Variants in PRDM1 observed in about 807,000 individuals in gnomAD.
The protein encoded by PRDM1 is PR/SET domain 1.
Under a neutral mutation model 62.8 loss-of-function variants are expected in PRDM1, and 13 were observed. The ratio of observed to expected loss-of-function variants is 0.21; its 90% CI spans 0.13 to 0.33. The LOEUF (loss-of-function observed/expected upper bound fraction) is 0.33, where lower values mean the gene tolerates loss of function less well. PRDM1 is among the 10% of genes least tolerant of loss of function. The pLI, the probability that PRDM1 is intolerant of heterozygous loss-of-function variation, is 1.00. For synonymous variants in PRDM1, 396 were observed against 417.6 expected, an observed-to-expected ratio of 0.95 and a Z score of 0.63; for missense variants, 895 against 1,058.8, an observed-to-expected ratio of 0.85 and a Z score of 2.15.
chr6:106,090,897 T>C (rs1487942634), intron 2 of PRDM1, among the ~76,000 whole-genome samples: 3 of 151,746 alleles, frequency 2.0e-5, no homozygotes, highest in Non-Finnish European at 4.4e-5. Flanking sequence ...TTTTTTTTGG[T>C]TAAAACAAAA....
At chr6:106,034,289 T>G (rs1445412698) in intron 1 of PRDM1, among the ~76,000 whole-genome samples, 1 of 152,094 alleles carries the variant, frequency 6.6e-6, no homozygotes, top group East Asian at 1.9e-4. Flanking sequence ...TTCCTTCATC[T>G]TCTGGCTTTG....
chr6:106,071,577 TA>T (rs1457461659), intron 1 of PRDM1, among the ~76,000 whole-genome samples: 4 of 152,180 alleles, frequency 2.6e-5, no homozygotes, highest in Non-Finnish European at 5.9e-5. Flanking sequence ...TATTCACTCA[TA>T]ACTGGAATTA....
rs529302572 is a variant in PRDM1 at position 106,026,759 on chromosome 6, T to C, written c.-67+33120T>C. On this transcript the variant is annotated intron_variant, in intron 1 of 6. Transcript: ENST00000652320. ...AGTTACTTGTGCATACAAAGATGTG[T>C]GTTTGTAGAAAGGAGACCATAGAAT... 1.0e-3 allele frequency among the ~76,000 whole-genome samples: 155 copies of C among 152,282 alleles called. 1 individual carries two copies. Among genetic ancestry groups the C allele is most frequent in the African/African-American group, 3.7e-3 (154 of 41,552 alleles).
intron 1 of PRDM1, among the ~76,000 whole-genome samples, chr6:106,027,615 G>A (rs1772783601): frequency 6.6e-6 from 1 of 151,956 alleles, no homozygotes; most frequent in Non-Finnish European, 1.5e-5. Context: ...GGAAAAATAG[G>A]TGGTGGGGGA....
At chr6:106,012,538 A>T (rs1772571373) in intron 1 of PRDM1, among the ~76,000 whole-genome samples, 1 of 151,284 alleles carries the variant, frequency 6.6e-6, no homozygotes. Flanking sequence ...ACACTGGCAT[A>T]CCAGCCCCAC....
At chr6:105,995,634 A>C (rs531420242) in intron 1 of PRDM1, among the ~76,000 whole-genome samples, 1 of 152,342 alleles carries the variant, frequency 6.6e-6, no homozygotes, top group African/African-American at 2.4e-5. Context: ...TTATGCTCCC[A>C]CTGAAAGCCT....
upstream of PRDM1, among the ~76,000 whole-genome samples, chr6:106,048,075 T>TC (rs1458262008): frequency 1.3e-5 from 2 of 152,160 alleles, no homozygotes; most frequent in South Asian, 2.1e-4. Flanking sequence ...AAGTTCCTTT[T>TC]CCTTTTCTAG....
intron 1 of PRDM1, among the ~76,000 whole-genome samples, chr6:106,039,889 C>T (rs1035589772): frequency 2.0e-5 from 3 of 152,188 alleles, no homozygotes; most frequent in African/African-American, 2.4e-5. Flanking sequence ...GCCTATTTCC[C>T]GAATGGCAAT....
At chr6:106,087,028 T>C (rs1183665473) in intron 1 of PRDM1, among the ~76,000 whole-genome samples, 1 of 152,176 alleles carries the variant, frequency 6.6e-6, no homozygotes, top group Non-Finnish European at 1.5e-5. Flanking sequence ...AGTGGAAGAA[T>C]GTAAAAACCT....
chr6:106,004,305 G>GA (rs1220478914), intron 1 of PRDM1, among the ~76,000 whole-genome samples: 1 of 151,282 alleles, frequency 6.6e-6, no homozygotes, highest in Admixed American at 6.6e-5. Flanking sequence ...ATTGAGGGTA[G>GA]AAAAAAAACA....
chr6:106,109,086 A>G lies in PRDM1; in HGVS notation c.*1600A>G, dbSNP rs1350152081. Reference sequence around the variant, plus strand: ...GCCATGTAAAAGATCTACTTTTTCTAAGGGCAAAAAAAAAAAAAAAAAAAA... The same window carrying G: ...GCCATGTAAAAGATCTACTTTTTCTGAGGGCAAAAAAAAAAAAAAAAAAAA... On this transcript the variant is annotated 3_prime_UTR_variant, in exon 7 of 7. Coordinates refer to ENST00000369096, the MANE Select transcript of PRDM1 (RefSeq NM_001198.4). 1.1e-5 allele frequency: 2 copies of G among 174,950 alleles called. No individual in the cohort carries two copies. The highest frequency in any genetic ancestry group is 1.8e-4 in the Admixed American group (2 of 11,274). 10.8% of individuals were successfully genotyped at this position (174,950 alleles called of 1,614,324 possible). A position where few individuals can be genotyped will look rare whatever the true frequency, so the allele number is the denominator to read the frequency against.
At chr6:106,091,738 A>C (rs1248462666) in intron 2 of PRDM1, among the ~76,000 whole-genome samples, 1 of 151,748 alleles carries the variant, frequency 6.6e-6, no homozygotes, top group Non-Finnish European at 1.5e-5. Context: ...GTGCCATTGC[A>C]CTCCAGCCCA....
At chr6:106,048,976 C>T (rs549357857) in intron 1 of PRDM1, among the ~76,000 whole-genome samples, 130 of 152,032 alleles carry the variant, frequency 8.6e-4, no homozygotes, top group Non-Finnish European at 1.5e-3. Context: ...CCACCACACT[C>T]AGCTAATTTT....
intron 1 of PRDM1, among the ~76,000 whole-genome samples, chr6:106,006,895 A>T (rs1323655650): frequency 6.6e-6 from 1 of 151,918 alleles, no homozygotes; most frequent in Non-Finnish European, 1.5e-5. Context: ...GGTCTCTTCA[A>T]ACTCTCTGCT....
chr6:106,099,410 T>G lies in PRDM1; in HGVS notation c.522T>G (p.Ala174=), dbSNP rs1261640712. 6.2e-7 allele frequency: 1 copy of G among 1,614,194 alleles called. No individual in the cohort carries two copies. The highest frequency in any genetic ancestry group is 1.7e-5 in the Admixed American group (1 of 60,024). ...ACTCTCCCCGGGAGCAAAACCTGGC[T>G]GCGTGTCAGAACGGGATGAACATCT... The part of the protein sequence containing the change: ...PAHSPREQNL[A]ACQNGMNIYF... Residue 174 remains alanine (A), a synonymous_variant, in exon 4 of 7, where the codon GCT becomes GCG. Coordinates refer to ENST00000369096, the MANE Select transcript of PRDM1 (RefSeq NM_001198.4).
chr6:106,084,867 C>A (rs1773761806), upstream of PRDM1, among the ~76,000 whole-genome samples: 1 of 152,108 alleles, frequency 6.6e-6, no homozygotes, highest in South Asian at 2.1e-4. Flanking sequence ...ACAGGTGGGC[C>A]ACGCAGCAAG....
At chr6:106,003,958 G>A (rs1772456115) in intron 1 of PRDM1, among the ~76,000 whole-genome samples, 1 of 152,158 alleles carries the variant, frequency 6.6e-6, no homozygotes, top group East Asian at 1.9e-4. Flanking sequence ...GATGGAGGAA[G>A]GGGTCACCTT....
chr6:106,053,291 A>G (rs1241720894), intron 1 of PRDM1, among the ~76,000 whole-genome samples: 1 of 152,184 alleles, frequency 6.6e-6, no homozygotes, highest in Non-Finnish European at 1.5e-5. Context: ...TGAATTTCTA[A>G]TCAAGTCGTT....
intron 3 of PRDM1, among the ~76,000 whole-genome samples, chr6:106,097,012 A>G (rs909832256): frequency 6.6e-6 from 1 of 152,200 alleles, no homozygotes; most frequent in Admixed American, 6.5e-5. Context: ...AAGAAACAAT[A>G]TTTTTAATCC....
Sources: allele counts gnomAD v4.1 joint callset (sites outside exome capture counted in the v4.1 genomes callset), GRCh38; gene constraint gnomAD v4.1.1; transcripts MANE v1.5; gene names NCBI Gene and HGNC (gene_info 2026-07-23, HGNC 2026-07-21).